The following DMD variants were observed in gnomAD, a reference collection of about 807,000 sequenced individuals.
DMD encodes the protein dystrophin.
A neutral mutation model predicts 330.1 loss-of-function variants in DMD; 63 were observed. The ratio of observed to expected loss-of-function variants is 0.19; its 90% CI spans 0.16 to 0.24. The LOEUF (loss-of-function observed/expected upper bound fraction) is 0.24, where lower values mean the gene tolerates loss of function less well. DMD is among the 10% of genes least tolerant of loss of function. The pLI, the probability that DMD is intolerant of heterozygous loss-of-function variation, is 1.00. For missense variants in DMD, 3,344 were observed against 2,684.1 expected (o/e 1.25, Z -5.43); for synonymous variants, 1,223 against 959.8 (o/e 1.27, Z -5.07).
rs1457937244 is a variant in DMD, at chrX:31,718,181, T to C, written c.7660+11450A>G. The stretch of plus-strand genomic sequence containing the variant: ...GCATTTCATTTATTCATTCAGAGAA[T>C]CTTGATGGAAAACCTATTTTTTTCA... On this transcript the variant is annotated intron_variant, in intron 52 of 78. Coordinates refer to ENST00000357033, the MANE Select transcript of DMD (RefSeq NM_004006.3). 2.7e-5 allele frequency among the ~76,000 whole-genome samples: 3 copies of C among 112,044 alleles called. No homozygotes were observed. In the East Asian group the frequency reaches 8.4e-4, roughly 31 times the overall value.
intron 1 of DMD, among the ~76,000 whole-genome samples, chrX:33,091,415 T>C (rs1051099892): frequency 7.1e-5 from 8 of 111,910 alleles, no homozygotes; most frequent in African/African-American, 2.6e-4. Context: ...TGGATTTTTA[T>C]GTAAAAGGTT....
At chrX:32,508,693 A>G in intron 18 of DMD, among the ~76,000 whole-genome samples, 1 of 112,566 alleles carries the variant, frequency 8.9e-6, no homozygotes, top group East Asian at 2.8e-4. Flanking sequence ...GGAGCTAGGA[A>G]TAATTAAGCT....
chrX:32,782,502 A>T (rs748226842), intron 7 of DMD, among the ~76,000 whole-genome samples: 1 of 111,302 alleles, frequency 9.0e-6, no homozygotes, highest in East Asian at 2.8e-4. Flanking sequence ...TTGTGTGTAA[A>T]AGAGAATTAA....
At chrX:33,043,762 C>T (rs1387252022) in intron 1 of DMD, among the ~76,000 whole-genome samples, 1 of 110,408 alleles carries the variant, frequency 9.1e-6, no homozygotes, top group Non-Finnish European at 1.9e-5. Context: ...TATACATGTG[C>T]CATGTTGGTG....
At chrX:33,277,101 C>T (rs1011723494) in intron 1 of DMD, among the ~76,000 whole-genome samples, 18 of 111,409 alleles carry the variant, frequency 1.6e-4, no homozygotes, top group Admixed American at 2.9e-4. Flanking sequence ...CCATGTTATC[C>T]TTTTATAGGC....
chrX:33,015,230 C>A (rs2093777909), intron 2 of DMD, among the ~76,000 whole-genome samples: 1 of 111,649 alleles, frequency 9.0e-6, no homozygotes, highest in East Asian at 2.8e-4. Context: ...CATTGCAGCA[C>A]TATTTACAAT....
At chrX:31,432,304 T>A (rs1368303666) in intron 60 of DMD, among the ~76,000 whole-genome samples, 1 of 111,797 alleles carries the variant, frequency 8.9e-6, no homozygotes, top group East Asian at 2.8e-4. Context: ...CAATAGATTA[T>A]AGAAAAGAAG....
intron 44 of DMD, among the ~76,000 whole-genome samples, chrX:32,203,276 C>T (rs914180456): frequency 1.8e-5 from 2 of 112,690 alleles, no homozygotes; most frequent in Non-Finnish European, 3.7e-5. Context: ...CTGCACTAGA[C>T]TGGCTTTCTT....
chrX:32,476,456 T>A (rs1448484189), intron 21 of DMD, among the ~76,000 whole-genome samples: 3 of 111,715 alleles, frequency 2.7e-5, no homozygotes, highest in Non-Finnish European at 5.7e-5. Context: ...TTCCAAAGAT[T>A]GGTTTGGGAA....
intron 43 of DMD, among the ~76,000 whole-genome samples, chrX:32,262,519 A>C (rs2097327516): frequency 8.9e-6 from 1 of 111,743 alleles, no homozygotes; most frequent in African/African-American, 3.3e-5. Flanking sequence ...CCACAATGAA[A>C]TTGTTTCCAA....
intron 37 of DMD, among the ~76,000 whole-genome samples, chrX:32,360,362 A>G (rs2097827131): frequency 8.9e-6 from 1 of 112,005 alleles, no homozygotes; most frequent in African/African-American, 3.2e-5. Context: ...TTTCATCGTG[A>G]TAATAGAGCA....
chrX:31,361,832 T>A (rs2058954976), intron 60 of DMD, among the ~76,000 whole-genome samples: 1 of 104,357 alleles, frequency 9.6e-6, no homozygotes, highest in Non-Finnish European at 2.0e-5. Context: ...TGCAGTGGCA[T>A]GATCTCAGCT....
intron 42 of DMD, among the ~76,000 whole-genome samples, chrX:32,289,594 A>G (rs1236269077): frequency 3.6e-5 from 4 of 111,298 alleles, no homozygotes; most frequent in Non-Finnish European, 7.5e-5. Flanking sequence ...GGTTGCTGTA[A>G]ATAAGCTAGT....
At chrX:33,244,077 T>C (rs1034867226) in intron 1 of DMD, among the ~76,000 whole-genome samples, 1 of 112,153 alleles carries the variant, frequency 8.9e-6, no homozygotes, top group Non-Finnish European at 1.9e-5. Context: ...TTAACTTCTT[T>C]TTTTCCTATT....
intron 1 of DMD, among the ~76,000 whole-genome samples, chrX:33,062,161 G>A (rs1308154873): frequency 8.9e-6 from 1 of 112,006 alleles, no homozygotes; most frequent in East Asian, 2.8e-4. Context: ...CTCAGCAGAA[G>A]TTGATTGTAT....
At chrX:32,578,344 C>A (rs2149167419) in intron 13 of DMD, among the ~76,000 whole-genome samples, 1 of 112,261 alleles carries the variant, frequency 8.9e-6, no homozygotes. Flanking sequence ...CAAAGTCTCA[C>A]AAAATGGTAA....
chrX:31,622,587 T>C (rs1339477702), intron 55 of DMD, among the ~76,000 whole-genome samples: 1 of 109,819 alleles, frequency 9.1e-6, no homozygotes. Flanking sequence ...CTCTCTTTGC[T>C]ATGTTAGGAC....
intron 1 of DMD, among the ~76,000 whole-genome samples, chrX:33,282,972 C>T (rs1001784325): frequency 2.9e-4 from 32 of 112,074 alleles, no homozygotes; most frequent in Non-Finnish European, 5.4e-4. Flanking sequence ...TTGATGGCCT[C>T]TTGTTTTGTT....
chrX:32,766,731 A>T (rs2073039544), intron 7 of DMD, among the ~76,000 whole-genome samples: 1 of 111,380 alleles, frequency 9.0e-6, no homozygotes, highest in Non-Finnish European at 1.9e-5. Context: ...TAGTTAATAG[A>T]GTATTGCTCA....
Sources: gnomAD v4.1 joint callset for allele counts (sites outside exome capture counted in the v4.1 genomes callset) on GRCh38, gnomAD v4.1.1 for gene constraint, MANE v1.5 for transcripts, NCBI Gene and HGNC (gene_info 2026-07-23, HGNC 2026-07-21) for gene names.